Variants in GPC6 observed in about 807,000 individuals in gnomAD.
GPC6 encodes glypican 6, also known as glypican-6.
A neutral mutation model predicts 55.2 loss-of-function variants in GPC6; 14 were observed. The observed-to-expected ratio is 0.25, with a 90% CI of 0.17 to 0.40. The LOEUF is 0.40. Among genes scored for constraint, GPC6 ranks in the 10% least tolerant of loss-of-function variants. GPC6 has a pLI of 1.00. For synonymous variants in GPC6, 278 were observed against 259.6 expected (o/e 1.07, Z -0.68); for missense variants, 641 against 708.5 (o/e 0.90, Z 1.08).
chr13:94,214,587 A>G (rs1305711245), intron 4 of GPC6, among the ~76,000 whole-genome samples: 2 of 152,160 alleles, frequency 1.3e-5, no homozygotes, highest in Admixed American at 6.5e-5. Context: ...TATGCCATCA[A>G]TGTTCCTTTT....
chr13:94,304,192 G>A (rs536844480), intron 5 of GPC6, among the ~76,000 whole-genome samples: 5 of 152,332 alleles, frequency 3.3e-5, no homozygotes, highest in African/African-American at 1.2e-4. Flanking sequence ...TTGTGTGAGA[G>A]AAGAATAATC....
intron 1 of GPC6, among the ~76,000 whole-genome samples, chr13:93,235,887 A>G (rs185345765): frequency 1.3e-5 from 2 of 152,328 alleles, no homozygotes; most frequent in East Asian, 3.9e-4. Context: ...TGCAGTATCA[A>G]CAGGGTGCCA....
At chr13:93,805,709 T>C (rs539849270) in intron 2 of GPC6, among the ~76,000 whole-genome samples, 1 of 152,318 alleles carries the variant, frequency 6.6e-6, no homozygotes, top group Admixed American at 6.5e-5. Flanking sequence ...AGGAGCAGAA[T>C]TGTTGATCAT....
Position 93,563,384 on chromosome 13 carries a change from C to G in GPC6, c.319+17963C>G, listed in dbSNP as rs183795890. ...ATCCTTGCAAAGTTAACAGTAGTAT[C>G]TACCAATATCCAGAGTTCCAGCACT... On this transcript the variant is annotated intron_variant, in intron 2 of 8. Coordinates refer to ENST00000377047, the MANE Select transcript of GPC6 (RefSeq NM_005708.5). Among the ~76,000 whole-genome samples the G allele has an allele frequency of 1.8e-4, 28 of 152,184 alleles. No individual in the cohort carries two copies. In the East Asian group the frequency reaches 5.4e-3, roughly 29 times the overall value.
At chr13:94,399,570 TAAG>T (rs1264210633) in intron 8 of GPC6, among the ~76,000 whole-genome samples, 1 of 152,240 alleles carries the variant, frequency 6.6e-6, no homozygotes, top group Non-Finnish European at 1.5e-5. Flanking sequence ...CACTGAATCA[TAAG>T]ATGATGCTTG....
At chr13:93,805,254 T>A (rs1886508692) in intron 2 of GPC6, among the ~76,000 whole-genome samples, 2 of 152,178 alleles carry the variant, frequency 1.3e-5, no homozygotes, top group Admixed American at 1.3e-4. Context: ...AATCTATACT[T>A]ATAGTTATCA....
At chr13:93,499,843 C>T (rs1209250712) in intron 1 of GPC6, among the ~76,000 whole-genome samples, 2 of 152,150 alleles carry the variant, frequency 1.3e-5, no homozygotes, top group Non-Finnish European at 2.9e-5. Flanking sequence ...TCTTGTGTTA[C>T]AAAGTTAGAT....
Position 94,404,370 on chromosome 13 carries a change from T to C in GPC6, c.*1153T>C, listed in dbSNP as rs1187683186. The C allele has an allele frequency of 6.6e-6, 1 of 152,198 alleles. No individual in the cohort carries two copies. Among genetic ancestry groups the C allele is most frequent in the African/African-American group, 2.4e-5 (1 of 41,460 alleles). The allele number at this position is 152,198 out of a possible 1,614,324, so 9.4% of individuals were successfully genotyped here. A position where few individuals can be genotyped will look rare whatever the true frequency, so the allele number is the denominator to read the frequency against. On this transcript the variant is annotated 3_prime_UTR_variant, in exon 9 of 9. Coordinates refer to ENST00000377047, the MANE Select transcript of GPC6 (RefSeq NM_005708.5). ...CACTTTTTTAGTCTTAGTATGATCA[T>C]CTATTTTTATATCTATGTATATATA...
chr13:93,851,973 C>A (rs570511071), intron 3 of GPC6, among the ~76,000 whole-genome samples: 1 of 151,574 alleles, frequency 6.6e-6, no homozygotes, highest in Non-Finnish European at 1.5e-5. Context: ...TAAGCAATAG[C>A]AGATTCCTAA....
rs917482003 is a variant in GPC6 at position 93,729,782 on chromosome 13, T to C, written c.320-100372T>C. On this transcript the variant is annotated intron_variant, in intron 2 of 8. Coordinates refer to ENST00000377047, the MANE Select transcript of GPC6 (RefSeq NM_005708.5). ...CTGTACTATTCAAATTAGCCCAAAC[T>C]GGAACAACACAAAGTAAATGGGGTG... 1.1e-4 allele frequency among the ~76,000 whole-genome samples: 17 copies of C among 152,228 alleles called. No individual in the cohort carries two copies. The East Asian group carries it at 3.3e-3, about 29-fold the overall frequency.
chr13:94,048,286 T>C (rs1883802799), intron 4 of GPC6, among the ~76,000 whole-genome samples: 1 of 152,014 alleles, frequency 6.6e-6, no homozygotes, highest in Non-Finnish European at 1.5e-5. Flanking sequence ...TTTGCCGTCT[T>C]GGGAACAGCC....
At chr13:93,559,556 T>A (rs1387830502) in intron 2 of GPC6, among the ~76,000 whole-genome samples, 1 of 152,192 alleles carries the variant, frequency 6.6e-6, no homozygotes, top group Non-Finnish European at 1.5e-5. Flanking sequence ...AAACAAATTC[T>A]GCACTCAATT....
At chr13:93,757,713 C>A (rs1884823623) in intron 2 of GPC6, among the ~76,000 whole-genome samples, 1 of 152,060 alleles carries the variant, frequency 6.6e-6, no homozygotes, top group Non-Finnish European at 1.5e-5. Context: ...CAGTCTATGA[C>A]CAGCAGTAGT....
At chr13:93,906,951 A>G (rs1242508417) in intron 3 of GPC6, among the ~76,000 whole-genome samples, 1 of 152,178 alleles carries the variant, frequency 6.6e-6, no homozygotes, top group Non-Finnish European at 1.5e-5. Context: ...ATGTTTTTTG[A>G]ATGCCTGTCA....
At chr13:94,183,778 A>C (rs1889077314) in intron 4 of GPC6, among the ~76,000 whole-genome samples, 1 of 152,178 alleles carries the variant, frequency 6.6e-6, no homozygotes, top group Admixed American at 6.5e-5. Context: ...AGGTCCACAC[A>C]TGCTGTCTTC....
At chr13:94,141,415 G>A (rs1887374722) in intron 4 of GPC6, among the ~76,000 whole-genome samples, 1 of 152,092 alleles carries the variant, frequency 6.6e-6, no homozygotes, top group Non-Finnish European at 1.5e-5. Flanking sequence ...ATGGCGTTAG[G>A]TCCTGTTTAT....
rs149461476 is a variant in GPC6, at chr13:93,700,262, G to T, written c.320-129892G>T. On this transcript the variant is annotated intron_variant, in intron 2 of 8. Transcript: ENST00000377047. ...ACATTATTTTATGATGGCTCACTAT[G>T]ACTGCATCACTTACATCCACAGAAA... 4.2e-3 allele frequency among the ~76,000 whole-genome samples: 646 copies of T among 152,162 alleles called. 1 individual carries two copies. The highest frequency in any genetic ancestry group is 7.1e-3 in the Non-Finnish European group (482 of 68,004).
At chr13:94,134,405 A>G (rs1887110191) in intron 4 of GPC6, among the ~76,000 whole-genome samples, 1 of 152,202 alleles carries the variant, frequency 6.6e-6, no homozygotes, top group East Asian at 1.9e-4. Context: ...GAAGGGCCAC[A>G]TTTCCAGAAT....
At chr13:93,492,366 G>C (rs1238859613) in intron 1 of GPC6, among the ~76,000 whole-genome samples, 1 of 139,938 alleles carries the variant, frequency 7.1e-6, no homozygotes, top group Non-Finnish European at 1.6e-5. Context: ...TTTCTACATT[G>C]ATTTTGTATC....
Sources: allele counts gnomAD v4.1 joint callset (sites outside exome capture counted in the v4.1 genomes callset), GRCh38; gene constraint gnomAD v4.1.1; transcripts MANE v1.5; gene names NCBI Gene and HGNC (gene_info 2026-07-23, HGNC 2026-07-21).